Variants in CTNNA2 observed in about 807,000 individuals in gnomAD.
CTNNA2 encodes catenin alpha-2.
Under a neutral mutation model 101.0 loss-of-function variants are expected in CTNNA2, and 42 were observed. The observed-to-expected ratio is 0.42, with a 90% confidence interval of 0.32 to 0.54. CTNNA2 has a LOEUF of 0.54. Among genes scored for constraint, CTNNA2 ranks in the 20% least tolerant of loss-of-function variants. The pLI, the probability that CTNNA2 is intolerant of heterozygous loss-of-function variation, is 0.14. For synonymous variants in CTNNA2, 450 were observed against 456.4 expected, an observed-to-expected ratio of 0.99 and a Z score of 0.18; for missense variants, 871 against 1,223.1, an observed-to-expected ratio of 0.71 and a Z score of 4.29.
rs569538318 is a variant in CTNNA2 at position 80,527,317 on chromosome 2, G to A, written c.1291-17665G>A. Among the ~76,000 whole-genome samples the A allele has an allele frequency of 7.9e-5, 12 of 152,306 alleles. 1 individual carries two copies. The highest frequency in any genetic ancestry group is 6.8e-3 in the Middle Eastern group (2 of 294). ...GGCACTATTTGTCAAAAAGTGAAGC[G>A]TTTGTGGTAGGCCTGTGAGTCTCAG... On this transcript the variant is annotated intron_variant, in intron 9 of 18. Transcript: ENST00000402739.
At chr2:79,578,335 T>G (rs1558744427) in intron 1 of CTNNA2, among the ~76,000 whole-genome samples, 1 of 152,142 alleles carries the variant, frequency 6.6e-6, no homozygotes, top group African/African-American at 2.4e-5. Context: ...GAGAATAACC[T>G]GCCATTTATT....
intron 2 of CTNNA2, among the ~76,000 whole-genome samples, chr2:79,244,052 C>T (rs60064453): frequency 0.024 from 3,673 of 152,232 alleles, 158 homozygotes; most frequent in African/African-American, 0.084. Flanking sequence ...CTGTTTTATG[C>T]CCTCTCCTAG....
At chr2:80,310,279 C>A (rs970638729) in intron 7 of CTNNA2, among the ~76,000 whole-genome samples, 4 of 152,180 alleles carry the variant, frequency 2.6e-5, no homozygotes, top group African/African-American at 7.2e-5. Context: ...AATGGAAAGT[C>A]TATGTGTACC....
intron 9 of CTNNA2, among the ~76,000 whole-genome samples, chr2:80,493,572 T>C (rs1687222086): frequency 6.6e-6 from 1 of 152,216 alleles, no homozygotes; most frequent in Admixed American, 6.5e-5. Flanking sequence ...GTGGACTTTT[T>C]TGAGTCCTTA....
intron 1 of CTNNA2, among the ~76,000 whole-genome samples, chr2:79,605,196 A>G (rs527388596): frequency 5.4e-4 from 82 of 152,306 alleles, no homozygotes; most frequent in African/African-American, 1.9e-3. Context: ...GGAAACTACA[A>G]TGTCTGCTGT....
At chr2:79,365,117 A>T (rs1821417) in intron 3 of CTNNA2, among the ~76,000 whole-genome samples, 12,972 of 152,004 alleles carry the variant, frequency 0.085, 902 homozygotes, top group East Asian at 0.34. Flanking sequence ...TCTACTAAAA[A>T]TACAAAAAAA....
intron 3 of CTNNA2, among the ~76,000 whole-genome samples, chr2:79,316,778 A>G (rs75478079): frequency 0.067 from 10,243 of 151,940 alleles, 460 homozygotes; most frequent in East Asian, 0.13. Context: ...TGCTAAATTC[A>G]TTTATTATCC....
intron 7 of CTNNA2, among the ~76,000 whole-genome samples, chr2:79,971,600 A>G (rs545785447): frequency 2.6e-5 from 4 of 152,136 alleles, no homozygotes; most frequent in Non-Finnish European, 5.9e-5. Flanking sequence ...TATGGCTTTA[A>G]CGTATTGTCT....
At chr2:80,112,359 G>A (rs1701268179) in intron 7 of CTNNA2, among the ~76,000 whole-genome samples, 1 of 152,146 alleles carries the variant, frequency 6.6e-6, no homozygotes, top group Admixed American at 6.5e-5. Flanking sequence ...TTGCAACAGA[G>A]ATCATAAAAA....
intron 1 of CTNNA2, among the ~76,000 whole-genome samples, chr2:79,604,450 C>T (rs916645065): frequency 1.3e-5 from 2 of 152,186 alleles, no homozygotes; most frequent in Non-Finnish European, 2.9e-5. Flanking sequence ...GCATTCCAGT[C>T]AGATCCTGGT....
intron 7 of CTNNA2, among the ~76,000 whole-genome samples, chr2:80,050,855 A>G (rs1166057546): frequency 6.6e-6 from 1 of 152,086 alleles, no homozygotes; most frequent in Non-Finnish European, 1.5e-5. Flanking sequence ...AGCTGGGATT[A>G]CAGGCATGTA....
chr2:79,599,765 T>C (rs1030328706), intron 1 of CTNNA2, among the ~76,000 whole-genome samples: 2 of 152,152 alleles, frequency 1.3e-5, no homozygotes, highest in Admixed American at 1.3e-4. Flanking sequence ...TTTAAAAAAT[T>C]TCTTTAAAGT....
In CTNNA2 at chr2:79,558,007, T is replaced by G. The variant is rs181897774; in HGVS notation, c.-6+44800T>G. 4.2e-3 allele frequency among the ~76,000 whole-genome samples: 642 copies of G among 152,078 alleles called. 3 individuals carry two copies. Among genetic ancestry groups the G allele is most frequent in the African/African-American group, 0.015 (603 of 41,550 alleles). On this transcript the variant is annotated intron_variant, in intron 1 of 18. Transcript: ENST00000402739. ...CATTGTACAGAATCTCCAGAGCGTT[T>G]ACACACATAGAGATTTATACATACG...
chr2:79,407,990 G>A lies in CTNNA2; in HGVS notation c.-135+33977G>A, dbSNP rs1020472739. 2.6e-5 allele frequency among the ~76,000 whole-genome samples: 4 copies of A among 152,100 alleles called. No individual in the cohort carries two copies. In the East Asian group the frequency reaches 7.8e-4, roughly 30 times the overall value. ...CTTTCTGCTCTAACTCCTGACTTCA[G>A]GTATTGGACTTTGAGTTTTTGTCTG... On this transcript the variant is annotated intron_variant, in intron 4 of 21. Coordinates refer to the CTNNA2 transcript ENST00000466387.
chr2:79,456,972 C>T (rs1370434688), intron 4 of CTNNA2, among the ~76,000 whole-genome samples: 5 of 151,982 alleles, frequency 3.3e-5, no homozygotes, highest in Non-Finnish European at 7.4e-5. Context: ...AAGGCCGAGG[C>T]GGGCAGATCA....
chr2:79,437,232 C>G (rs79244599), intron 4 of CTNNA2, among the ~76,000 whole-genome samples: 4 of 140,420 alleles, frequency 2.8e-5, no homozygotes, highest in Non-Finnish European at 4.6e-5. Flanking sequence ...GAAACTGTCT[C>G]AAAAAAAAAA....
intron 7 of CTNNA2, among the ~76,000 whole-genome samples, chr2:79,971,497 T>C (rs1048973453): frequency 6.6e-6 from 1 of 152,134 alleles, no homozygotes; most frequent in Non-Finnish European, 1.5e-5. Context: ...GCAGGTGCTA[T>C]GTTAAGCACT....
At chr2:80,506,284 G>A (rs532469815) in intron 9 of CTNNA2, among the ~76,000 whole-genome samples, 25 of 152,140 alleles carry the variant, frequency 1.6e-4, no homozygotes, top group African/African-American at 2.2e-4. Flanking sequence ...CTCGTTAAAC[G>A]ATTGGTAGAA....
chr2:80,429,468 T>G (rs1681289174), intron 9 of CTNNA2, among the ~76,000 whole-genome samples: 1 of 152,198 alleles, frequency 6.6e-6, no homozygotes. Context: ...TGTGCCACAC[T>G]GCCCCCAGGC....
Sources: gnomAD v4.1 joint callset for allele counts (sites outside exome capture counted in the v4.1 genomes callset) on GRCh38, gnomAD v4.1.1 for gene constraint, MANE v1.5 for transcripts, NCBI Gene and HGNC (gene_info 2026-07-23, HGNC 2026-07-21) for gene names.